The following TMED7 variants were observed in gnomAD, a reference collection of about 807,000 sequenced individuals.
TMED7 encodes the protein transmembrane emp24 domain-containing protein 7.
TMED7 carries 8 observed loss-of-function variants against 23.4 expected under a neutral mutation model. That is an observed-to-expected ratio of 0.34 (90% CI 0.20 to 0.62). The LOEUF (loss-of-function observed/expected upper bound fraction) is 0.62. Among genes scored for constraint, TMED7 ranks in the 20% least tolerant of loss-of-function variants. The pLI is 0.77. For synonymous variants in TMED7, 121 were observed against 108.5 expected (o/e 1.12, Z -0.72); for missense variants, 232 against 279.1 (o/e 0.83, Z 1.20).
Position 115,613,642 on chromosome 5 carries a change from G to C in TMED7, c.*2567C>G, listed in dbSNP as rs1240635849. On this transcript the variant is annotated 3_prime_UTR_variant, in exon 3 of 3. Coordinates refer to ENST00000456936, the MANE Select transcript of TMED7 (RefSeq NM_181836.6). The stretch of plus-strand genomic sequence containing the variant: ...TTTGAAAACAATAGTCATAGGGCCT[G>C]CTTTGTCCTATTTAACTATAAATGT... 1 of 152,348 alleles carries C rather than the reference G, an allele frequency of 6.6e-6. No individual in the cohort carries two copies. Among genetic ancestry groups the C allele is most frequent in the Non-Finnish European group, 1.5e-5 (1 of 67,944 alleles). 9.4% of individuals were successfully genotyped at this position (152,348 alleles called of 1,614,324 possible). A position where few individuals can be genotyped will look rare whatever the true frequency, so the allele number is the denominator to read the frequency against.
Position 115,620,417 on chromosome 5 carries a change from G to A in TMED7, c.438+18C>T, listed in dbSNP as rs1756987178. 5 of 1,474,982 alleles carry A rather than the reference G, an allele frequency of 3.4e-6. No individual in the cohort carries two copies. The highest frequency in any genetic ancestry group is 1.4e-5 in the African/African-American group (1 of 69,598). 91.4% of individuals were successfully genotyped at this position (1,474,982 alleles called of 1,614,324 possible). A position where few individuals can be genotyped will look rare whatever the true frequency, so the allele number is the denominator to read the frequency against. The stretch of plus-strand genomic sequence containing the variant: ...CTTTTAAATATACCAACATTATATT[G>A]CTGATTTTTTTATTTACCTGGGTAA... On this transcript the variant is annotated intron_variant, in intron 2 of 2. Coordinates refer to ENST00000456936, the MANE Select transcript of TMED7 (RefSeq NM_181836.6).
At chr5:115,620,768 G>C (rs944592323) in intron 1 of TMED7, 88 bp from the exon 2 acceptor site, 19 of 1,291,912 alleles carry the variant, frequency 1.5e-5, no homozygotes, top group Non-Finnish European at 1.8e-5. Context: ...ATGGCAATAA[G>C]GTGATGGGCA....
rs771749978 is a variant in TMED7 at position 115,625,720 on chromosome 5, G to C, written c.73C>G (p.Leu25Val). Residue 25 changes from leucine to valine, a missense_variant, in exon 1 of 3, where the codon CTG becomes GTG. Around this residue, in one of 2 missense-constraint regions of TMED7, gnomAD observed 106 missense variants for 97.0 expected, o/e 1.09. Transcript: ENST00000456936. ...CCGCCGGGTCCAGGCACCAGTAGCA[G>C]CAGTGCGAGCAGCCTGCACCCCCAA... ...GRWGCRLLAL[L>V]LLVPGPGGAS... 4 of 1,595,064 alleles carry C rather than the reference G, an allele frequency of 2.5e-6. No homozygotes were observed. Among genetic ancestry groups the C allele is most frequent in the Non-Finnish European group, 2.6e-6 (3 of 1,172,402 alleles).
intron 1 of TMED7, among the ~76,000 whole-genome samples, chr5:115,621,823 C>T (rs757191679): frequency 8.5e-5 from 13 of 152,114 alleles, no homozygotes; most frequent in Non-Finnish European, 1.9e-4. Flanking sequence ...TTGGGGAGCA[C>T]AAGATTGTTA....
chr5:115,616,813 T>C (rs1005007357), intron 2 of TMED7, among the ~76,000 whole-genome samples: 1 of 152,236 alleles, frequency 6.6e-6, no homozygotes, highest in South Asian at 2.1e-4. Context: ...AGGAAGAAAA[T>C]GGCAGTGAGC....
Position 115,626,004 on chromosome 5 carries a change from G to A in TMED7, c.-212C>T. On this transcript the variant is annotated 5_prime_UTR_variant, in exon 1 of 3. Transcript: ENST00000456936. The stretch of plus-strand genomic sequence containing the variant: ...GGACCTGGGGAGGTAAAAGAGAAGC[G>A]GAAAAGGCCTGAGAGGGTCGGAAGT... The A allele has an allele frequency of 3.5e-6, 2 of 572,996 alleles. No individual in the cohort carries two copies. The highest frequency in any genetic ancestry group is 2.6e-6 in the Non-Finnish European group (1 of 382,940). 35.5% of individuals were successfully genotyped at this position (572,996 alleles called of 1,614,324 possible).
Position 115,614,550 on chromosome 5 carries a change from T to C in TMED7, c.*1659A>G, listed in dbSNP as rs947614752. The C allele has an allele frequency of 2.6e-5, 4 of 152,576 alleles. No homozygotes were observed. The highest frequency in any genetic ancestry group is 3.4e-3 in the Middle Eastern group (1 of 292). The allele number at this position is 152,576 out of a possible 1,614,324, so 9.5% of individuals were successfully genotyped here. On this transcript the variant is annotated 3_prime_UTR_variant, in exon 3 of 3. Coordinates refer to ENST00000456936, the MANE Select transcript of TMED7 (RefSeq NM_181836.6). Reference sequence around the variant, plus strand: ...GACAACTTCAGTACAAAAACCCAAATTGATAAATCTGCAAAATCTTAAACT... The same window carrying C: ...GACAACTTCAGTACAAAAACCCAAACTGATAAATCTGCAAAATCTTAAACT...
chr5:115,622,483 G>A (rs1450446931), intron 1 of TMED7, among the ~76,000 whole-genome samples: 1 of 152,130 alleles, frequency 6.6e-6, no homozygotes, highest in Non-Finnish European at 1.5e-5. Context: ...CGAACTCAGG[G>A]TTTCTCAACC....
intron 2 of TMED7, 200 bp downstream of exon 2, chr5:115,620,235 G>C (rs1756977329): frequency 1.5e-6 from 1 of 656,752 alleles, no homozygotes; most frequent in Non-Finnish European, 2.1e-6. Context: ...ACAATTAAAA[G>C]TTCATAAAAT....
Position 115,624,015 on chromosome 5 carries a change from A to G in TMED7, c.192+1586T>C, listed in dbSNP as rs116148796. Among the ~76,000 whole-genome samples the G allele has an allele frequency of 4.6e-3, 699 of 152,316 alleles. 5 individuals carry two copies. The highest frequency in any genetic ancestry group is 0.016 in the African/African-American group (647 of 41,546). On this transcript the variant is annotated intron_variant, in intron 1 of 2. Coordinates refer to ENST00000456936, the MANE Select transcript of TMED7 (RefSeq NM_181836.6). Reference sequence around the variant, plus strand: ...CATCAGTAAAAAAGGAGTAAGAGCTATAACAATTTCATATCGGGCTTTCCT... The same window carrying G: ...CATCAGTAAAAAAGGAGTAAGAGCTGTAACAATTTCATATCGGGCTTTCCT...
chr5:115,625,804 G>A lies in TMED7; in HGVS notation c.-12C>T, dbSNP rs901407835. 10 of 1,406,060 alleles carry A rather than the reference G, an allele frequency of 7.1e-6. No homozygotes were observed. The South Asian group carries it at 1.5e-4, about 21-fold the overall frequency. The allele number at this position is 1,406,060 out of a possible 1,614,324, so 87.1% of individuals were successfully genotyped here. A position where few individuals can be genotyped will look rare whatever the true frequency, so the allele number is the denominator to read the frequency against. ...CCCGGCCGCGGCATCCCGAGAAGGC[G>A]GCGGCGGCCTCAACCGAGCTGCGAG... On this transcript the variant is annotated 5_prime_UTR_variant, in exon 1 of 3. Transcript: ENST00000456936.
At chr5:115,624,906 G>A (rs1056114592) in intron 1 of TMED7, among the ~76,000 whole-genome samples, 5 of 152,206 alleles carry the variant, frequency 3.3e-5, no homozygotes, top group Non-Finnish European at 2.9e-5. Context: ...TGATGGCAGT[G>A]ACCCTATCTG....
At chr5:115,620,301 T>C (rs1188194825) in intron 2 of TMED7, 134 bp downstream of exon 2, 1 of 1,203,392 alleles carries the variant, frequency 8.3e-7, no homozygotes, top group Non-Finnish European at 1.1e-6. Flanking sequence ...AATGCCTACA[T>C]GTAAGAATTA....
In TMED7 at chr5:115,614,149, C is replaced by G. The variant is rs185194740; in HGVS notation, c.*2060G>C. ...TATTTTCTAATTTACATACACATATCCAGTTGAGTATAGACAACCATCAAA... is the reference window on the plus strand; with the variant it reads ...TATTTTCTAATTTACATACACATATGCAGTTGAGTATAGACAACCATCAAA... On this transcript the variant is annotated 3_prime_UTR_variant, in exon 3 of 3. Coordinates refer to ENST00000456936, the MANE Select transcript of TMED7 (RefSeq NM_181836.6). 1.0e-3 allele frequency: 152 copies of G among 152,134 alleles called. No homozygotes were observed. The highest frequency in any genetic ancestry group is 3.4e-3 in the Middle Eastern group (1 of 294). The allele number at this position is 152,134 out of a possible 1,614,324, so 9.4% of individuals were successfully genotyped here.
intron 1 of TMED7, among the ~76,000 whole-genome samples, chr5:115,625,184 T>C (rs10077239): frequency 0.36 from 55,375 of 152,056 alleles, 10,150 homozygotes; most frequent in Non-Finnish European, 0.38. Flanking sequence ...TAACCAACAG[T>C]CCTAATATTG....
chr5:115,618,653 G>A (rs1756891307), intron 2 of TMED7, among the ~76,000 whole-genome samples: 1 of 152,102 alleles, frequency 6.6e-6, no homozygotes, highest in Non-Finnish European at 1.5e-5. Context: ...GCAATGTTCT[G>A]GGTGGGAACG....
chr5:115,617,983 A>G (rs413059), intron 2 of TMED7, among the ~76,000 whole-genome samples: 90,564 of 152,094 alleles, frequency 0.6, 27,444 homozygotes, highest in African/African-American at 0.72. Flanking sequence ...TAGTAGAAAC[A>G]GGGTTTTACC....
At chr5:115,616,741 A>G (rs1182756115) in intron 2 of TMED7, among the ~76,000 whole-genome samples, 1 of 152,236 alleles carries the variant, frequency 6.6e-6, no homozygotes, top group African/African-American at 2.4e-5. Flanking sequence ...AATAGCAGAA[A>G]TACTTATCAG....
chr5:115,616,553 G>T, intron 2 of TMED7, 108 bp from the exon 3 acceptor site: 1 of 1,490,826 alleles, frequency 6.7e-7, no homozygotes, highest in Non-Finnish European at 9.1e-7. Context: ...TGACTAACAT[G>T]CTACTAATCT....
Sources: allele counts gnomAD v4.1 joint callset (sites outside exome capture counted in the v4.1 genomes callset), GRCh38; gene constraint gnomAD v4.1.1; regional missense constraint gnomAD v4.1.1; transcripts MANE v1.5; gene names NCBI Gene and HGNC (gene_info 2026-07-23, HGNC 2026-07-21).